Variants in GABBR2 observed in about 807,000 individuals in gnomAD.
GABBR2 encodes the protein G-protein coupled receptor 51.
A neutral mutation model predicts 105.6 loss-of-function variants in GABBR2; 23 were observed. The ratio of observed to expected loss-of-function variants is 0.22; its 90% CI spans 0.16 to 0.31. The LOEUF (loss-of-function observed/expected upper bound fraction) is 0.31. GABBR2 is among the 10% of genes least tolerant of loss of function. The probability of loss-of-function intolerance (pLI) is 1.00; values close to 1 mark genes in which losing one functional copy is unlikely to be tolerated. For synonymous variants in GABBR2, 478 were observed against 499.7 expected, an observed-to-expected ratio of 0.96 and a Z score of 0.58; for missense variants, 734 against 1,245.5, an observed-to-expected ratio of 0.59 and a Z score of 6.18.
At chr9:98,340,674 G>A (rs1041058951) in intron 13 of GABBR2, among the ~76,000 whole-genome samples, 2 of 152,160 alleles carry the variant, frequency 1.3e-5, no homozygotes, top group Non-Finnish European at 2.9e-5. Flanking sequence ...GTACGTAAGG[G>A]AGCATGGCAG....
chr9:98,575,090 C>G (rs373887513), intron 2 of GABBR2, among the ~76,000 whole-genome samples: 14 of 144,342 alleles, frequency 9.7e-5, no homozygotes, highest in Non-Finnish European at 2.0e-4. Context: ...CACCACCACC[C>G]CCCCCCAAAT....
chr9:98,648,069 T>C (rs551547079), intron 1 of GABBR2, among the ~76,000 whole-genome samples: 1 of 88,406 alleles, frequency 1.1e-5, no homozygotes, highest in African/African-American at 4.3e-5. Flanking sequence ...TTTCTATCAT[T>C]AATCATACAG....
chr9:98,603,627 C>A (rs1299018649), intron 1 of GABBR2, among the ~76,000 whole-genome samples: 1 of 152,216 alleles, frequency 6.6e-6, no homozygotes, highest in Non-Finnish European at 1.5e-5. Flanking sequence ...GCACACAAGT[C>A]AGGCTCCACC....
intron 6 of GABBR2, 115 bp downstream of exon 6, chr9:98,473,026 GGTCAA>G (rs1826716088): frequency 1.4e-6 from 1 of 731,256 alleles, no homozygotes; most frequent in African/African-American, 1.7e-5. Flanking sequence ...GGCTCAGAGA[GGTCAA>G]GTGATTTGCT....
intron 16 of GABBR2, among the ~76,000 whole-genome samples, chr9:98,302,652 A>C (rs7865868): frequency 0.078 from 11,936 of 152,090 alleles, 1,596 homozygotes; most frequent in African/African-American, 0.27. Context: ...CTCCAACCCA[A>C]AGGGAGGGGT....
At chr9:98,672,564 T>A (rs746911609) in intron 1 of GABBR2, among the ~76,000 whole-genome samples, 2 of 152,266 alleles carry the variant, frequency 1.3e-5, no homozygotes, top group Non-Finnish European at 2.9e-5. Flanking sequence ...GGCACAGCAT[T>A]CTGCTGAAGC....
Position 98,403,756 on chromosome 9 carries a change from A to AAT in GABBR2, c.1297+2323_1297+2324dup, listed in dbSNP as rs377488353. On this transcript the variant is annotated intron_variant, in intron 8 of 18. Coordinates refer to ENST00000259455, the MANE Select transcript of GABBR2 (RefSeq NM_005458.8). ...CTACTTACTTGCTGAGAAAAAAAAAAATATATATATATATACATATATATA... is the reference window on the plus strand; with the variant it reads ...CTACTTACTTGCTGAGAAAAAAAAAAATATATATATATATATACATATATATA... Among the ~76,000 whole-genome samples the AAT allele has an allele frequency of 4.8e-3, 701 of 145,280 alleles. 5 individuals are homozygous for AAT. The highest frequency in any genetic ancestry group is 0.011 in the Middle Eastern group (3 of 278).
chr9:98,340,456 C>T lies in GABBR2; in HGVS notation c.1893+22259G>A, dbSNP rs560477789. ...TCTTTTTTTTTTTGAGACGGGGTCT[C>T]GTCATGTTGCCCAGGCTAGTCTTGA... On this transcript the variant is annotated intron_variant, in intron 13 of 18. Coordinates refer to ENST00000259455, the MANE Select transcript of GABBR2 (RefSeq NM_005458.8). Among the ~76,000 whole-genome samples the T allele has an allele frequency of 6.0e-5, 9 of 151,124 alleles. No homozygotes were observed. In the East Asian group the frequency reaches 1.2e-3, roughly 20 times the overall value.
chr9:98,538,204 A>G (rs566860392), intron 3 of GABBR2, among the ~76,000 whole-genome samples: 11 of 152,380 alleles, frequency 7.2e-5, no homozygotes, highest in Admixed American at 2.0e-4. Flanking sequence ...CCCATTTTAC[A>G]CAAGGGAAAA....
chr9:98,654,649 A>C (rs1335424842), intron 1 of GABBR2, among the ~76,000 whole-genome samples: 1 of 152,220 alleles, frequency 6.6e-6, no homozygotes, highest in Non-Finnish European at 1.5e-5. Flanking sequence ...AGCTGAATTC[A>C]GAAGGCCTAG....
intron 2 of GABBR2, among the ~76,000 whole-genome samples, chr9:98,576,802 G>A (rs921746780): frequency 1.3e-5 from 2 of 152,184 alleles, no homozygotes; most frequent in Admixed American, 1.3e-4. Context: ...CTCCTAGAAT[G>A]TAAGCTCCAG....
chr9:98,705,861 G>A (rs1179101705), intron 1 of GABBR2, among the ~76,000 whole-genome samples: 1 of 152,294 alleles, frequency 6.6e-6, no homozygotes, highest in Non-Finnish European at 1.5e-5. Flanking sequence ...CAGATCACCT[G>A]AGGTCGGGAG....
rs75397572 is a variant in GABBR2 at position 98,322,175 on chromosome 9, C to T, written c.1894-10970G>A. On this transcript the variant is annotated intron_variant, in intron 13 of 18. Transcript: ENST00000259455. The stretch of plus-strand genomic sequence containing the variant: ...GGCCCAGAGGGGGCACCAGGGGCAC[C>T]CTCTACTCCTGCCTAGCCTCTCCCA... Among the ~76,000 whole-genome samples, 6 of 152,050 alleles carry T rather than the reference C, an allele frequency of 3.9e-5. 1 individual carries two copies. In the South Asian group the frequency reaches 8.3e-4, roughly 21 times the overall value.
chr9:98,476,012 TGAG>T (rs1248555389), intron 5 of GABBR2, among the ~76,000 whole-genome samples: 1 of 152,128 alleles, frequency 6.6e-6, no homozygotes, highest in Non-Finnish European at 1.5e-5. Context: ...TGCAGTGAGC[TGAG>T]ATCACACCCC....
At chr9:98,493,295 T>C (rs568588603) in intron 4 of GABBR2, among the ~76,000 whole-genome samples, 129 of 152,322 alleles carry the variant, frequency 8.5e-4, no homozygotes, top group Middle Eastern at 3.4e-3. Context: ...TCCTGCCCCA[T>C]AGAACCAGCC....
At chr9:98,669,368 T>C (rs567540103) in intron 1 of GABBR2, among the ~76,000 whole-genome samples, 4 of 152,342 alleles carry the variant, frequency 2.6e-5, no homozygotes, top group African/African-American at 9.6e-5. Context: ...TTTGGAGAAA[T>C]GTCTATGTAA....
intron 4 of GABBR2, among the ~76,000 whole-genome samples, chr9:98,483,200 C>G (rs951495439): frequency 1.3e-5 from 2 of 152,160 alleles, no homozygotes; most frequent in Non-Finnish European, 1.5e-5. Flanking sequence ...AGACTCACTC[C>G]TCTTCTTCAA....
intron 1 of GABBR2, among the ~76,000 whole-genome samples, chr9:98,616,800 C>A (rs1013482495): frequency 6.6e-6 from 1 of 151,732 alleles, no homozygotes; most frequent in Admixed American, 6.6e-5. Context: ...GTTTAGAGAT[C>A]CACAGAGTCA....
chr9:98,305,382 T>C lies in GABBR2; in HGVS notation c.2229+739A>G, dbSNP rs1246606410. 2.0e-5 allele frequency among the ~76,000 whole-genome samples: 3 copies of C among 152,216 alleles called. No individual in the cohort carries two copies. The East Asian group carries it at 5.8e-4, about 29-fold the overall frequency. On this transcript the variant is annotated intron_variant, in intron 15 of 18. Coordinates refer to ENST00000259455, the MANE Select transcript of GABBR2 (RefSeq NM_005458.8). ...AAAAATGTTCATTTCTAAAATCCAATGCTCACCAATATAAGATCAAGTGGG... is the reference window on the plus strand; with the variant it reads ...AAAAATGTTCATTTCTAAAATCCAACGCTCACCAATATAAGATCAAGTGGG...
Sources: allele counts gnomAD v4.1 joint callset (sites outside exome capture counted in the v4.1 genomes callset), GRCh38; gene constraint gnomAD v4.1.1; transcripts MANE v1.5; gene names NCBI Gene and HGNC (gene_info 2026-07-23, HGNC 2026-07-21).